The following CBFA2T3 variants were observed in gnomAD, a reference collection of about 807,000 sequenced individuals.
The protein encoded by CBFA2T3 is CBFA2/RUNX1 partner transcriptional co-repressor 3, also known as transcriptional corepressor CBFA2T3.
In CBFA2T3, 31 loss-of-function variants were observed where a neutral mutation model predicts 58.6. The observed-to-expected ratio is 0.53, with a 90% CI of 0.40 to 0.71. The LOEUF is 0.71. Ranked by LOEUF, CBFA2T3 falls within the 30% of genes least tolerant of loss-of-function variation. The pLI, the probability that CBFA2T3 is intolerant of heterozygous loss-of-function variation, is 0.00. For missense variants in CBFA2T3, 1,076 were observed against 963.1 expected (o/e 1.12, Z -1.55); for synonymous variants, 531 against 421.9 (o/e 1.26, Z -3.17).
chr16:88,956,161 G>T (rs74033218), intron 1 of CBFA2T3, among the ~76,000 whole-genome samples: 5 of 152,382 alleles, frequency 3.3e-5, no homozygotes, highest in African/African-American at 1.2e-4. Flanking sequence ...CAGGAGAGCC[G>T]TGGAGGGCAG....
intron 1 of CBFA2T3, among the ~76,000 whole-genome samples, chr16:88,974,573 C>T (rs1398315809): frequency 6.6e-6 from 1 of 152,210 alleles, no homozygotes; most frequent in African/African-American, 2.4e-5. Flanking sequence ...CTCAGTACGC[C>T]TTTGGTCTAA....
At chr16:88,879,627 A>G in intron 10 of CBFA2T3, 167 bp from the exon 11 acceptor site, 1 of 621,426 alleles carries the variant, frequency 1.6e-6, no homozygotes, top group Non-Finnish European at 2.9e-6. Context: ...GCAGCTGAAC[A>G]CACGTAGCAT....
Position 88,879,475 on chromosome 16 carries a change from G to A in CBFA2T3, c.1472-15C>T. On this transcript the variant is annotated splice_polypyrimidine_tract_variant and intron_variant, in intron 10 of 11. Coordinates refer to ENST00000268679, the MANE Select transcript of CBFA2T3 (RefSeq NM_005187.6). ...CACGGCCTCTTCTGCAAAGGACATG[G>A]GCAGGGCTGGCGGTCACATGGGCCA... 1 of 1,599,678 alleles carries A rather than the reference G, an allele frequency of 6.3e-7. No individual in the cohort carries two copies. Among genetic ancestry groups the A allele is most frequent in the Non-Finnish European group, 8.6e-7 (1 of 1,168,802 alleles).
rs201822501 is a variant in CBFA2T3 at position 88,885,301 on chromosome 16, T to G, written c.894-32A>C. 89 of 1,461,076 alleles carry G rather than the reference T, an allele frequency of 6.1e-5. No homozygotes were observed. In the East Asian group the frequency reaches 2.0e-3, roughly 33 times the overall value. 90.5% of individuals were successfully genotyped at this position (1,461,076 alleles called of 1,614,324 possible). A position where few individuals can be genotyped will look rare whatever the true frequency, so the allele number is the denominator to read the frequency against. ...CCAAGAGCAGGTGGGGCGAGGGCAG[T>G]GGACATAGGATGAACCGGGGACAGA... On this transcript the variant is annotated intron_variant, in intron 6 of 11. Coordinates refer to ENST00000268679, the MANE Select transcript of CBFA2T3 (RefSeq NM_005187.6). This position sits in a 1 kb window ranked among gnomAD's most constrained non-coding sequence, Gnocchi z 5.3.
intron 9 of CBFA2T3, 88 bp from the exon 10 acceptor site, chr16:88,880,876 T>C (rs1247061538): frequency 3.2e-5 from 39 of 1,224,096 alleles, no homozygotes; most frequent in Admixed American, 1.2e-4. Flanking sequence ...GGGCCCTGAG[T>C]GCAGGGCGTG....
intron 1 of CBFA2T3, among the ~76,000 whole-genome samples, chr16:88,909,077 G>A (rs1199445456): frequency 2.6e-5 from 4 of 152,188 alleles, no homozygotes; most frequent in African/African-American, 9.7e-5. Flanking sequence ...GGGAGGAGGA[G>A]GGCATGGCCT....
rs571947359 is a variant in CBFA2T3, at chr16:88,882,621, C to T, written c.1203+55G>A. On this transcript the variant is annotated intron_variant, in intron 8 of 11. Transcript: ENST00000268679. ...CTGTGTGTGCGTGGCTGTGTGTGTG[C>T]GTGGCTGTGCGCCTGGGCATGGCTG... 77 of 1,109,486 alleles carry T rather than the reference C, an allele frequency of 6.9e-5. No individual in the cohort carries two copies. The Middle Eastern group carries it at 2.9e-3, about 42-fold the overall frequency. 68.7% of individuals were successfully genotyped at this position (1,109,486 alleles called of 1,614,324 possible).
At chr16:88,913,346 CCT>C (rs1017325947) in intron 1 of CBFA2T3, among the ~76,000 whole-genome samples, 80 of 152,386 alleles carry the variant, frequency 5.2e-4, no homozygotes, top group African/African-American at 1.7e-3. Context: ...GAACCACCCC[CCT>C]GAGCTTGCCA....
intron 1 of CBFA2T3, among the ~76,000 whole-genome samples, chr16:88,976,327 C>T (rs1972859803): frequency 1.3e-5 from 2 of 152,126 alleles, no homozygotes; most frequent in African/African-American, 4.8e-5. Flanking sequence ...ACCCCCCCAT[C>T]ACTTCCCGGC....
At chr16:88,878,104 A>G (rs1413927802) in intron 11 of CBFA2T3, among the ~76,000 whole-genome samples, 1 of 152,132 alleles carries the variant, frequency 6.6e-6, no homozygotes, top group Non-Finnish European at 1.5e-5. Context: ...CGCTCCCCCG[A>G]TGCCTGCGTG....
At chr16:88,972,965 C>A (rs182987145) in intron 1 of CBFA2T3, among the ~76,000 whole-genome samples, 1 of 152,194 alleles carries the variant, frequency 6.6e-6, no homozygotes, top group African/African-American at 2.4e-5. Flanking sequence ...CCTCAGACGT[C>A]TTGTCATGCA....
At chr16:88,971,286 A>G (rs2142885783) in intron 1 of CBFA2T3, among the ~76,000 whole-genome samples, 1 of 152,000 alleles carries the variant, frequency 6.6e-6, no homozygotes, top group African/African-American at 2.4e-5. Context: ...ATTTTTGTAT[A>G]TTTACTAGAG....
intron 5 of CBFA2T3, among the ~76,000 whole-genome samples, chr16:88,887,926 G>A (rs866301163): frequency 9.8e-5 from 15 of 152,294 alleles, no homozygotes; most frequent in African/African-American, 2.9e-4. Flanking sequence ...GGGCTTTCGC[G>A]GACTCCGCTG....
intron 1 of CBFA2T3, among the ~76,000 whole-genome samples, chr16:88,916,339 T>C (rs963660062): frequency 5.3e-5 from 8 of 151,344 alleles, no homozygotes; most frequent in African/African-American, 1.7e-4. Flanking sequence ...TTCATGTGTG[T>C]GCATGGGTGT....
chr16:88,910,668 G>A (rs868448316), intron 1 of CBFA2T3, among the ~76,000 whole-genome samples: 1 of 152,334 alleles, frequency 6.6e-6, no homozygotes, highest in African/African-American at 2.4e-5. Context: ...GCCACTCTCT[G>A]GTGCCCCTGA....
At chr16:88,894,619 A>G (rs111344696) in intron 3 of CBFA2T3, among the ~76,000 whole-genome samples, 16,965 of 137,100 alleles carry the variant, frequency 0.12, 2,172 homozygotes, top group East Asian at 0.41. Flanking sequence ...ACACATGCAC[A>G]CACACATGCA....
rs374700962 is a variant in CBFA2T3 at position 88,877,320 on chromosome 16, C to T, written c.1663-45G>A. 1.0e-4 allele frequency: 155 copies of T among 1,479,748 alleles called. No homozygotes were observed. In the African/African-American group the frequency reaches 1.3e-3, roughly 12 times the overall value. 91.7% of individuals were successfully genotyped at this position (1,479,748 alleles called of 1,614,324 possible). A position where few individuals can be genotyped will look rare whatever the true frequency, so the allele number is the denominator to read the frequency against. ...CCAGTCAGGGCTGGGTCTGGCCACC[C>T]GAATCCCCAACACACGCCTCAACCA... On this transcript the variant is annotated intron_variant, in intron 11 of 11. Coordinates refer to ENST00000268679, the MANE Select transcript of CBFA2T3 (RefSeq NM_005187.6).
At chr16:88,905,024 C>A (rs1376423048) in intron 1 of CBFA2T3, among the ~76,000 whole-genome samples, 1 of 152,040 alleles carries the variant, frequency 6.6e-6, no homozygotes, top group Non-Finnish European at 1.5e-5. Flanking sequence ...TGACAAGGAC[C>A]CTCAGAGAAG....
chr16:88,926,879 C>G (rs1179230306), intron 1 of CBFA2T3, among the ~76,000 whole-genome samples: 1 of 152,220 alleles, frequency 6.6e-6, no homozygotes, highest in African/African-American at 2.4e-5. Flanking sequence ...GAGGTCCTTG[C>G]AGCAGCAGGG....
Sources: gnomAD v4.1 joint callset for allele counts (sites outside exome capture counted in the v4.1 genomes callset) on GRCh38, gnomAD v4.1.1 for gene constraint, Gnocchi (gnomAD v3.1) non-coding constraint, MANE v1.5 for transcripts, NCBI Gene and HGNC (gene_info 2026-07-23, HGNC 2026-07-21) for gene names.